Variants in SLC8A1 observed in about 807,000 individuals in gnomAD.
SLC8A1 encodes the protein solute carrier family 8 member A1, also known as sodium/calcium exchanger 1.
A neutral mutation model predicts 68.3 loss-of-function variants in SLC8A1; 18 were observed. The observed-to-expected ratio is 0.26, with a 90% CI of 0.18 to 0.39. The LOEUF is 0.39. Ranked by LOEUF, SLC8A1 falls within the 10% of genes least tolerant of loss-of-function variation. The pLI, the probability that SLC8A1 is intolerant of heterozygous loss-of-function variation, is 1.00. For synonymous variants in SLC8A1, 475 were observed against 415.5 expected (o/e 1.14, Z -1.74); for missense variants, 985 against 1,156.7 (o/e 0.85, Z 2.15).
chr2:40,360,419 G>C (rs1157377865), intron 2 of SLC8A1, among the ~76,000 whole-genome samples: 1 of 152,110 alleles, frequency 6.6e-6, no homozygotes, highest in African/African-American at 2.4e-5. Context: ...TATGTGGTTA[G>C]GCTAACAGGT....
At chr2:40,382,859 T>C (rs939518534) in intron 2 of SLC8A1, among the ~76,000 whole-genome samples, 1 of 152,118 alleles carries the variant, frequency 6.6e-6, no homozygotes. Flanking sequence ...GACATTTTGA[T>C]TAACTACCAG....
rs191602592 is a variant in SLC8A1, at chr2:40,267,883, A to G, written c.1809-90028T>C. On this transcript the variant is annotated intron_variant, in intron 2 of 7. Coordinates refer to ENST00000406785, the Ensembl canonical transcript of SLC8A1. ...GTGACAGTCAGGGCCCCTCCCACAT[A>G]TTTCCTTGAGTAGCTCCCTCACTGG... Among the ~76,000 whole-genome samples the G allele has an allele frequency of 2.0e-3, 297 of 152,088 alleles. 3 individuals are homozygous for G. The highest frequency in any genetic ancestry group is 6.9e-3 in the African/African-American group (288 of 41,484).
chr2:40,273,538 T>C (rs1237204221), intron 2 of SLC8A1, among the ~76,000 whole-genome samples: 1 of 152,182 alleles, frequency 6.6e-6, no homozygotes, highest in African/African-American at 2.4e-5. Context: ...TGTGAGGAGC[T>C]TGATTTGAAG....
intron 1 of SLC8A1, among the ~76,000 whole-genome samples, chr2:40,436,553 G>C (rs903395697): frequency 1.4e-4 from 22 of 152,066 alleles, no homozygotes; most frequent in African/African-American, 5.1e-4. Flanking sequence ...GTGTCTTCCA[G>C]CATCAGCCCT....
At chr2:40,247,557 A>G (rs1055266805) in intron 2 of SLC8A1, among the ~76,000 whole-genome samples, 3 of 152,150 alleles carry the variant, frequency 2.0e-5, no homozygotes, top group Non-Finnish European at 4.4e-5. Context: ...AAAAATGAGG[A>G]AAAAAGGCTC....
intron 3 of SLC8A1, 23 bp from the exon 4 acceptor site, chr2:40,175,304 C>T (rs1229134206): frequency 6.2e-7 from 1 of 1,610,602 alleles, no homozygotes; most frequent in Non-Finnish European, 8.5e-7. Context: ...CAGACAAAGA[C>T]AAACACAGAA....
intron 2 of SLC8A1, among the ~76,000 whole-genome samples, chr2:40,415,486 C>T (rs12988659): frequency 0.13 from 19,739 of 151,490 alleles, 2,438 homozygotes; most frequent in East Asian, 0.66. Flanking sequence ...GGAGTTGTGG[C>T]TTAAGCATAA....
At chr2:40,354,228 T>C (rs1575634927) in intron 2 of SLC8A1, among the ~76,000 whole-genome samples, 1 of 152,338 alleles carries the variant, frequency 6.6e-6, no homozygotes, top group South Asian at 2.1e-4. Context: ...TGGATTGTTT[T>C]AATCTCATGA....
chr2:40,131,637 G>C (rs367950026), intron 7 of SLC8A1, among the ~76,000 whole-genome samples: 5 of 152,128 alleles, frequency 3.3e-5, no homozygotes, highest in African/African-American at 1.2e-4. Flanking sequence ...CAGAGATCTA[G>C]AACACTGGAA....
At chr2:40,356,960 C>A (rs1672848679) in intron 2 of SLC8A1, among the ~76,000 whole-genome samples, 1 of 152,154 alleles carries the variant, frequency 6.6e-6, no homozygotes, top group South Asian at 2.1e-4. Context: ...AACCATCTTG[C>A]CCTATTATAA....
chr2:40,164,819 G>C (rs2148475359), intron 5 of SLC8A1, 35 bp downstream of exon 8: 2 of 1,611,498 alleles, frequency 1.2e-6, no homozygotes, highest in Non-Finnish European at 1.7e-6. Context: ...CCCAAGGTGA[G>C]ACTGGCTCCT....
chr2:40,151,637 C>A (rs1333334874), intron 6 of SLC8A1, among the ~76,000 whole-genome samples: 1 of 152,018 alleles, frequency 6.6e-6, no homozygotes, highest in African/African-American at 2.4e-5. Context: ...TTTTAGTCAC[C>A]TGAGTTGACT....
chr2:40,280,717 G>A (rs1292087004), intron 2 of SLC8A1, among the ~76,000 whole-genome samples: 1 of 152,260 alleles, frequency 6.6e-6, no homozygotes, highest in Non-Finnish European at 1.5e-5. Flanking sequence ...CAGAAATGAA[G>A]TAAAAAGAGA....
intron 2 of SLC8A1, among the ~76,000 whole-genome samples, chr2:40,396,895 T>G (rs1687165382): frequency 6.6e-6 from 1 of 151,960 alleles, no homozygotes; most frequent in South Asian, 2.1e-4. Context: ...TCCACAGGGA[T>G]CCACTGTTCA....
chr2:40,181,160 A>G (rs1394799673), intron 2 of SLC8A1, among the ~76,000 whole-genome samples: 1 of 152,100 alleles, frequency 6.6e-6, no homozygotes, highest in African/African-American at 2.4e-5. Context: ...GGGTTTCACC[A>G]TGTTGGCCAG....
At chr2:40,328,412 T>A (rs2149364041) in intron 2 of SLC8A1, among the ~76,000 whole-genome samples, 1 of 152,252 alleles carries the variant, frequency 6.6e-6, no homozygotes, top group African/African-American at 2.4e-5. Context: ...TCTTTTAAAT[T>A]CATCTTCCTC....
intron 2 of SLC8A1, among the ~76,000 whole-genome samples, chr2:40,291,984 A>C (rs994572459): frequency 2.0e-5 from 3 of 151,384 alleles, no homozygotes; most frequent in African/African-American, 7.3e-5. Context: ...TAATCAACGT[A>C]TGTCAGAGAT....
chr2:40,357,735 T>C (rs1412768938), intron 2 of SLC8A1, among the ~76,000 whole-genome samples: 1 of 152,092 alleles, frequency 6.6e-6, no homozygotes, highest in African/African-American at 2.4e-5. Flanking sequence ...GCATATAGAA[T>C]GCTGAGCTAC....
At chr2:40,128,008 G>A (rs2038510166) in intron 7 of SLC8A1, among the ~76,000 whole-genome samples, 1 of 152,230 alleles carries the variant, frequency 6.6e-6, no homozygotes, top group South Asian at 2.1e-4. Context: ...ATGAATCAGA[G>A]TATAAACAAG....
Sources: gnomAD v4.1 joint callset for allele counts (sites outside exome capture counted in the v4.1 genomes callset) on GRCh38, gnomAD v4.1.1 for gene constraint, MANE v1.5 for transcripts, NCBI Gene and HGNC (gene_info 2026-07-23, HGNC 2026-07-21) for gene names.